The following SYT14 variants were observed in gnomAD, a reference collection of about 807,000 sequenced individuals.
SYT14 encodes synaptotagmin-14.
In SYT14, 32 loss-of-function variants were observed where a neutral mutation model predicts 74.2. That is an observed-to-expected ratio of 0.43 (90% CI 0.33 to 0.58). The LOEUF (loss-of-function observed/expected upper bound fraction) is 0.58, where lower values mean the gene tolerates loss of function less well. Among genes scored for constraint, SYT14 ranks in the 20% least tolerant of loss-of-function variants. SYT14 has a pLI of 0.05. For missense variants in SYT14, 791 were observed against 981.8 expected, an observed-to-expected ratio of 0.81 and a Z score of 2.60; for synonymous variants, 298 against 337.7, an observed-to-expected ratio of 0.88 and a Z score of 1.29.
At chr1:210,072,524 T>C (rs2081414043) in intron 5 of SYT14, among the ~76,000 whole-genome samples, 1 of 152,052 alleles carries the variant, frequency 6.6e-6, no homozygotes, top group Middle Eastern at 3.2e-3. Flanking sequence ...GTAAGGGAGA[T>C]GTACATTCTG....
intron 2 of SYT14, among the ~76,000 whole-genome samples, chr1:209,957,842 C>A (rs2079017350): frequency 6.6e-6 from 1 of 152,060 alleles, no homozygotes; most frequent in African/African-American, 2.4e-5. Flanking sequence ...TTTTCAGATA[C>A]TCAGAAATGT....
chr1:210,101,687 T>C (rs1376064501), intron 7 of SYT14, among the ~76,000 whole-genome samples: 1 of 150,630 alleles, frequency 6.6e-6, no homozygotes, highest in Non-Finnish European at 1.5e-5. Flanking sequence ...CAGGCAATAT[T>C]TCGGAGGGGG....
intron 2 of SYT14, among the ~76,000 whole-genome samples, chr1:210,007,140 TAA>T (rs1558124650): frequency 1.3e-5 from 2 of 151,960 alleles, no homozygotes; most frequent in African/African-American, 2.4e-5. Flanking sequence ...TGGTATTTTT[TAA>T]GTTTATTTTT....
chr1:210,128,127 C>T (rs935880066), intron 7 of SYT14, among the ~76,000 whole-genome samples: 4 of 152,082 alleles, frequency 2.6e-5, no homozygotes, highest in African/African-American at 9.7e-5. Context: ...AATCCCAGCA[C>T]TTTGGAAGGC....
At chr1:210,127,732 T>C (rs1031143486) in intron 7 of SYT14, among the ~76,000 whole-genome samples, 1 of 152,164 alleles carries the variant, frequency 6.6e-6, no homozygotes, top group Admixed American at 6.5e-5. Context: ...ATTTTTAAAA[T>C]TGGATGATCA....
chr1:210,145,936 A>G (rs950215295), intron 7 of SYT14, among the ~76,000 whole-genome samples: 1 of 152,228 alleles, frequency 6.6e-6, no homozygotes, highest in Non-Finnish European at 1.5e-5. Context: ...CAGTTCATCT[A>G]TTCCCTAGTA....
chr1:210,092,599 A>G (rs2081895547), intron 5 of SYT14, among the ~76,000 whole-genome samples: 2 of 152,210 alleles, frequency 1.3e-5, no homozygotes, highest in African/African-American at 4.8e-5. Flanking sequence ...TTGTCTCTTT[A>G]CTATTCTGGA....
chr1:209,987,443 A>G (rs987522021), intron 2 of SYT14, among the ~76,000 whole-genome samples: 2 of 152,226 alleles, frequency 1.3e-5, no homozygotes, highest in African/African-American at 4.8e-5. Context: ...AGTGGGAGCA[A>G]GCACTTCACA....
At position 210,068,491 on chromosome 1, in the gene SYT14, CTGTT is replaced by C. The variant is rs543881095; in HGVS notation, c.1313-25828_1313-25825del. ...ATACGAGATTAAGAGTATCTGTTCT[CTGTT>C]TGGTAGAATCAACCTATGAAATCAC... On this transcript the variant is annotated intron_variant, in intron 5 of 9. Coordinates refer to ENST00000637265, the Ensembl canonical transcript of SYT14. Among the ~76,000 whole-genome samples the C allele has an allele frequency of 1.6e-4, 25 of 151,640 alleles. No homozygotes were observed. In the South Asian group the frequency reaches 2.5e-3, roughly 15 times the overall value.
chr1:210,069,759 A>C (rs17015561), intron 5 of SYT14, among the ~76,000 whole-genome samples: 1 of 151,644 alleles, frequency 6.6e-6, no homozygotes, highest in African/African-American at 2.4e-5. Context: ...TGTTTTTGCT[A>C]TATTATTTTC....
intron 7 of SYT14, among the ~76,000 whole-genome samples, chr1:210,101,743 A>T (rs923272979): frequency 9.9e-5 from 15 of 152,128 alleles, no homozygotes; most frequent in Non-Finnish European, 1.5e-4. Flanking sequence ...AGTTATTAAT[A>T]TGATTTCTAA....
At chr1:210,110,895 C>T (rs757217938) in intron 7 of SYT14, among the ~76,000 whole-genome samples, 76 of 152,142 alleles carry the variant, frequency 5.0e-4, no homozygotes, top group Non-Finnish European at 9.4e-4. Flanking sequence ...CAGGCATGCG[C>T]CACCACACCC....
chr1:209,983,208 C>G (rs2102807667), intron 2 of SYT14, among the ~76,000 whole-genome samples: 1 of 152,142 alleles, frequency 6.6e-6, no homozygotes, highest in East Asian at 1.9e-4. Flanking sequence ...AAATTGAGAT[C>G]CAGTTTATCA....
chr1:210,135,592 C>CT (rs927243740), intron 7 of SYT14, among the ~76,000 whole-genome samples: 6 of 152,180 alleles, frequency 3.9e-5, no homozygotes, highest in South Asian at 2.1e-4. Context: ...TATCAATTGA[C>CT]TTTTTTTCCT....
chr1:210,052,740 G>A (rs1426092627), intron 5 of SYT14, among the ~76,000 whole-genome samples: 1 of 143,950 alleles, frequency 6.9e-6, no homozygotes, highest in African/African-American at 2.6e-5. Context: ...ATATTAAAGA[G>A]TTGACAGGCA....
intron 5 of SYT14, among the ~76,000 whole-genome samples, chr1:210,093,452 G>A (rs1184600850): frequency 6.6e-6 from 1 of 152,054 alleles, no homozygotes; most frequent in African/African-American, 2.4e-5. Flanking sequence ...ATTATTTACT[G>A]GACTCTGTTT....
At chr1:210,051,539 C>T (rs2080996359) in intron 5 of SYT14, among the ~76,000 whole-genome samples, 1 of 152,032 alleles carries the variant, frequency 6.6e-6, no homozygotes, top group African/African-American at 2.4e-5. Flanking sequence ...GTGTAGATAA[C>T]CACTTTTTTT....
chr1:209,969,377 T>G (rs959005729), intron 2 of SYT14, among the ~76,000 whole-genome samples: 4 of 152,144 alleles, frequency 2.6e-5, no homozygotes, highest in African/African-American at 9.7e-5. Flanking sequence ...GTATAAGTGT[T>G]CCCCTTTTTC....
At chr1:210,007,005 A>C (rs1379744368) in intron 2 of SYT14, among the ~76,000 whole-genome samples, 3 of 151,872 alleles carry the variant, frequency 2.0e-5, no homozygotes, top group African/African-American at 7.2e-5. Context: ...TCAAAGTCGA[A>C]ATGTATTTGC....
Sources: allele counts gnomAD v4.1 joint callset (sites outside exome capture counted in the v4.1 genomes callset), GRCh38; gene constraint gnomAD v4.1.1; transcripts MANE v1.5; gene names NCBI Gene and HGNC (gene_info 2026-07-23, HGNC 2026-07-21).